The following LINGO2 variants were observed in gnomAD, a reference collection of about 807,000 sequenced individuals.
The protein encoded by LINGO2 is leucine-rich repeat and immunoglobulin-like domain-containing nogo receptor-interacting protein 2.
Under a neutral mutation model 30.6 loss-of-function variants are expected in LINGO2, and 14 were observed. The observed-to-expected ratio is 0.46, with a 90% CI of 0.30 to 0.72. The LOEUF (loss-of-function observed/expected upper bound fraction) is 0.72. Ranked by LOEUF, LINGO2 falls within the 30% of genes least tolerant of loss-of-function variation. LINGO2 has a pLI of 0.07. For missense variants in LINGO2, 729 were observed against 751.7 expected, an observed-to-expected ratio of 0.97 and a Z score of 0.35; for synonymous variants, 317 against 288.5, an observed-to-expected ratio of 1.10 and a Z score of -1.00.
At chr9:28,884,996 T>TA in the LINGO2 span, among the ~76,000 whole-genome samples, 64 of 15,870 alleles carry the variant, frequency 4.0e-3, 2 homozygotes, top group African/African-American at 8.4e-3. Flanking sequence ...TAATAATATA[T>TA]TATATATATA....
chr9:28,809,138 G>A, the LINGO2 span, among the ~76,000 whole-genome samples: 3 of 152,196 alleles, frequency 2.0e-5, no homozygotes, highest in Non-Finnish European at 2.9e-5. Context: ...ATGAGAAAAA[G>A]ACGTTGGTCC....
the LINGO2 span, among the ~76,000 whole-genome samples, chr9:29,074,544 T>A: frequency 6.6e-6 from 1 of 152,126 alleles, no homozygotes; most frequent in South Asian, 2.1e-4. Flanking sequence ...AAGGACATCC[T>A]GGGACGGATG....
At chr9:28,338,955 A>T (rs72711404) in intron 3 of LINGO2, among the ~76,000 whole-genome samples, 2,649 of 152,082 alleles carry the variant, frequency 0.017, 33 homozygotes, top group Middle Eastern at 0.031. Flanking sequence ...AAACAAACAA[A>T]CGTTAAAATG....
At chr9:28,877,100 G>GTT in the LINGO2 span, among the ~76,000 whole-genome samples, 155 of 141,884 alleles carry the variant, frequency 1.1e-3, no homozygotes, top group African/African-American at 3.7e-3. Context: ...ATGGGGTTGT[G>GTT]TTTTTTTTTT....
chr9:29,040,343 CGTT>C, the LINGO2 span, among the ~76,000 whole-genome samples: 1 of 151,860 alleles, frequency 6.6e-6, no homozygotes, highest in East Asian at 1.9e-4. Flanking sequence ...CTGAAATTAT[CGTT>C]GTTGCAAGTT....
chr9:29,015,882 A>T, the LINGO2 span, among the ~76,000 whole-genome samples: 1 of 151,836 alleles, frequency 6.6e-6, no homozygotes, highest in Non-Finnish European at 1.5e-5. Context: ...ATTTGCTTTG[A>T]TTTTCTAATG....
the LINGO2 span, among the ~76,000 whole-genome samples, chr9:29,208,003 C>G: frequency 6.6e-6 from 1 of 151,806 alleles, no homozygotes; most frequent in Non-Finnish European, 1.5e-5. Context: ...AGCATTAAAG[C>G]CAATAAAATA....
chr9:27,973,875 T>C (rs1820469961), intron 5 of LINGO2, among the ~76,000 whole-genome samples: 2 of 152,218 alleles, frequency 1.3e-5, no homozygotes, highest in Non-Finnish European at 2.9e-5. Context: ...CAGCTCTGTG[T>C]GTGACCAATG....
At chr9:29,150,228 T>TA in the LINGO2 span, among the ~76,000 whole-genome samples, 1,030 of 152,282 alleles carry the variant, frequency 6.8e-3, 12 homozygotes, top group African/African-American at 0.024. Flanking sequence ...AAAGATCCTA[T>TA]ACAAAGCATT....
the LINGO2 span, among the ~76,000 whole-genome samples, chr9:28,858,046 G>A: frequency 6.6e-6 from 1 of 151,830 alleles, no homozygotes; most frequent in Non-Finnish European, 1.5e-5. Flanking sequence ...ACATTCTAAT[G>A]TATCTTCTTC....
chr9:28,939,474 C>T, the LINGO2 span, among the ~76,000 whole-genome samples: 2 of 152,078 alleles, frequency 1.3e-5, no homozygotes, highest in Non-Finnish European at 2.9e-5. Flanking sequence ...CTTGACTACC[C>T]CTAAAATGGG....
At chr9:29,047,288 A>G in the LINGO2 span, among the ~76,000 whole-genome samples, 3 of 152,206 alleles carry the variant, frequency 2.0e-5, no homozygotes, top group African/African-American at 7.2e-5. Flanking sequence ...TGCAGCAAAC[A>G]ATCATATGAA....
chr9:28,664,997 ATATATATATATATATATAT>A (rs1828740045), intron 1 of LINGO2, among the ~76,000 whole-genome samples: 1 of 3,728 alleles, frequency 2.7e-4, no homozygotes, highest in African/African-American at 3.7e-3. Context: ...ATGTGTTTAC[ATATATATATATATATATAT>A]ATATATATAT....
chr9:29,020,706 A>G, the LINGO2 span, among the ~76,000 whole-genome samples: 1 of 152,100 alleles, frequency 6.6e-6, no homozygotes, highest in Non-Finnish European at 1.5e-5. Flanking sequence ...CTAAGAATAG[A>G]GCTGGAGCTG....
In LINGO2 at chr9:27,974,454, CAG is replaced by C. The variant is rs150014525; in HGVS notation, c.-35-23750_-35-23749del. 4.2e-3 allele frequency among the ~76,000 whole-genome samples: 633 copies of C among 152,232 alleles called. 4 individuals carry two copies. The highest frequency in any genetic ancestry group is 0.014 in the African/African-American group (580 of 41,554). Reference sequence around the variant, plus strand: ...GTAGCAATGTCTGAAAAACACAGCGCAGAGTCACCTTCCTATTGAGTCACCAA... The same window carrying C: ...GTAGCAATGTCTGAAAAACACAGCGCAGTCACCTTCCTATTGAGTCACCAA... On this transcript the variant is annotated intron_variant, in intron 5 of 5. Coordinates refer to ENST00000379992, the Ensembl canonical transcript of LINGO2.
intron 4 of LINGO2, among the ~76,000 whole-genome samples, chr9:28,057,550 T>C (rs1207185861): frequency 5.6e-5 from 5 of 89,696 alleles, no homozygotes; most frequent in Non-Finnish European, 1.3e-4. Flanking sequence ...CATATGTATA[T>C]AAGTATATAT....
intron 1 of LINGO2, among the ~76,000 whole-genome samples, chr9:28,617,938 T>A (rs1029600101): frequency 6.6e-6 from 1 of 152,206 alleles, no homozygotes; most frequent in Non-Finnish European, 1.5e-5. Flanking sequence ...TACTCATTTA[T>A]GAAGATTTCT....
At chr9:28,377,760 C>T (rs949874644) in intron 2 of LINGO2, among the ~76,000 whole-genome samples, 3 of 152,082 alleles carry the variant, frequency 2.0e-5, no homozygotes, top group Non-Finnish European at 4.4e-5. Context: ...CAAGACTTCT[C>T]TATTTCAGAA....
intron 1 of LINGO2, among the ~76,000 whole-genome samples, chr9:28,656,349 A>G (rs1427826617): frequency 1.3e-5 from 2 of 152,092 alleles, no homozygotes; most frequent in African/African-American, 4.8e-5. Flanking sequence ...TTACAAAGAA[A>G]AAGATAATAA....
Sources: allele counts gnomAD v4.1 joint callset (sites outside exome capture counted in the v4.1 genomes callset), GRCh38; gene constraint gnomAD v4.1.1; transcripts MANE v1.5; gene names NCBI Gene and HGNC (gene_info 2026-07-23, HGNC 2026-07-21).